The following FASTKD3 variants were observed in gnomAD, a reference collection of about 807,000 sequenced individuals.
FASTKD3 encodes FAST kinase domains 3.
In FASTKD3, 47 loss-of-function variants were observed where a neutral mutation model predicts 49.7. The ratio of observed to expected loss-of-function variants is 0.95; its 90% CI spans 0.75 to 1.21. The LOEUF is 1.21. Ranked by LOEUF, FASTKD3 falls within the 50% of genes most tolerant of loss-of-function variation. The pLI, the probability that FASTKD3 is intolerant of heterozygous loss-of-function variation, is 0.00. For missense variants in FASTKD3, 748 were observed against 765.7 expected (o/e 0.98, Z 0.27); for synonymous variants, 284 against 288.6 (o/e 0.98, Z 0.16).
At chr5:7,868,495 T>C (rs1289815875) in intron 1 of FASTKD3, among the ~76,000 whole-genome samples, 3 of 152,054 alleles carry the variant, frequency 2.0e-5, no homozygotes, top group Non-Finnish European at 4.4e-5. Context: ...CCCTTAAATG[T>C]TGGTTGAAGG....
chr5:7,861,660 G>A lies in FASTKD3; in HGVS notation c.1700-8C>T, dbSNP rs1164250857. 1.2e-6 allele frequency: 2 copies of A among 1,606,578 alleles called. No homozygotes were observed. Among genetic ancestry groups the A allele is most frequent in the Admixed American group, 1.7e-5 (1 of 59,600 alleles). On this transcript the variant is annotated splice_region_variant and splice_polypyrimidine_tract_variant and intron_variant, in intron 4 of 6. Coordinates refer to ENST00000264669, the MANE Select transcript of FASTKD3 (RefSeq NM_024091.4). ...CTAATTTAATTTCAACATCTGGTGA[G>A]AGAAGAAAGGAAAAATTCCTCGTGT...
Position 7,867,538 on chromosome 5 carries a change from C to A in FASTKD3, c.546G>T (p.Leu182Phe). The change falls in exon 2 of 7, where the codon TTG (leucine) becomes TTT (phenylalanine). Residue 182 changes from leucine to phenylalanine, a missense_variant. Leu to Phe is a conservative substitution (Grantham distance 22). Transcript: ENST00000264669. ...CCACATGCAACAGAATCAGAGCTTGCAAAGCAGTCACTAAACTAGTGTTTG... is the reference window on the plus strand; with the variant it reads ...CCACATGCAACAGAATCAGAGCTTGAAAAGCAGTCACTAAACTAGTGTTTG... ...QLSNTSLVTA[L>F]QALILLHVDP... 2.5e-6 allele frequency: 4 copies of A among 1,614,254 alleles called. No homozygotes were observed. In the South Asian group the frequency reaches 3.3e-5, roughly 13 times the overall value.
rs144694454 is a variant in FASTKD3, at chr5:7,867,121, A to C, written c.963T>G (p.Tyr321Ter). The change falls in exon 2 of 7, where the codon TAT becomes TAG. Residue 321 changes from tyrosine (Y) to a stop codon, truncating the protein, a stop_gained. Coordinates refer to ENST00000264669, the MANE Select transcript of FASTKD3 (RefSeq NM_024091.4). LOFTEE classifies it high-confidence loss of function. The part of the protein sequence containing the change: ...AFPLIIKLGK[Y>*]VVRHVPHFTN... ...TGAAATGTGGGACATGCCTCACGAC[A>C]TATTTGCCCAATTTTATAATCAGAG... 3 of 1,614,206 alleles carry C rather than the reference A, an allele frequency of 1.9e-6. No homozygotes were observed. The highest frequency in any genetic ancestry group is 2.5e-6 in the Non-Finnish European group (3 of 1,180,050).
At position 7,867,271 on chromosome 5, in the gene FASTKD3, A is replaced by G; in HGVS notation, c.813T>C (p.Asp271=). The G allele has an allele frequency of 1.9e-6, 3 of 1,613,850 alleles. No homozygotes were observed. The highest frequency in any genetic ancestry group is 2.5e-6 in the Non-Finnish European group (3 of 1,180,024). ...TCTTATTTAAAAATGTTTGGTGTTC[A>G]TCCACTTTTTCAGTACATGCCTGCA... is the stretch of plus-strand genomic sequence containing the variant. The part of the protein sequence containing the change: ...RILQACTEKV[D]EHQTFLNKIN... The change falls in exon 2 of 7, where the codon GAT becomes GAC. Residue 271 remains aspartate (D), a synonymous_variant. Coordinates refer to ENST00000264669, the MANE Select transcript of FASTKD3 (RefSeq NM_024091.4).
rs768912526 is a variant in FASTKD3, at chr5:7,868,131, C to A, written c.-48G>T. On this transcript the variant is annotated 5_prime_UTR_variant, in exon 2 of 7. It removes an upstream start codon present in the reference 5' UTR. Coordinates refer to ENST00000264669, the MANE Select transcript of FASTKD3 (RefSeq NM_024091.4). ...AACTAAATTAAAAAATTTAAAAACA[C>A]ATGGTTAAATACATTGAGAACATGA... 1.6e-6 allele frequency: 2 copies of A among 1,247,832 alleles called. No individual in the cohort carries two copies. The highest frequency in any genetic ancestry group is 2.2e-6 in the Non-Finnish European group (2 of 914,220). 77.3% of individuals were successfully genotyped at this position (1,247,832 alleles called of 1,614,324 possible). A position where few individuals can be genotyped will look rare whatever the true frequency, so the allele number is the denominator to read the frequency against.
At chr5:7,865,344 T>C (rs1318599713) in intron 3 of FASTKD3, among the ~76,000 whole-genome samples, 1 of 152,058 alleles carries the variant, frequency 6.6e-6, no homozygotes, top group Non-Finnish European at 1.5e-5. Context: ...CAGAGTCAAG[T>C]AGAGAGAAGC....
At chr5:7,860,970 C>G (rs1458716502) in intron 6 of FASTKD3, among the ~76,000 whole-genome samples, 179 bp downstream of exon 6, 4 of 152,176 alleles carry the variant, frequency 2.6e-5, no homozygotes, top group African/African-American at 9.7e-5. Context: ...CCTATAAAAG[C>G]CTCCCTCTTG....
chr5:7,859,360 C>T lies in FASTKD3; in HGVS notation c.*75G>A, dbSNP rs573043118. 2.4e-4 allele frequency: 209 copies of T among 864,604 alleles called. 1 individual carries two copies. The South Asian group carries it at 3.6e-3, about 15-fold the overall frequency. 53.6% of individuals were successfully genotyped at this position (864,604 alleles called of 1,614,324 possible). A position where few individuals can be genotyped will look rare whatever the true frequency, so the allele number is the denominator to read the frequency against. ...CATATTCTGCAAAGTGGCTAATTCACATTATATTTTTCTTTTAATACTGAG... is the reference window on the plus strand; with the variant it reads ...CATATTCTGCAAAGTGGCTAATTCATATTATATTTTTCTTTTAATACTGAG... On this transcript the variant is annotated 3_prime_UTR_variant, in exon 7 of 7. Transcript: ENST00000264669.
Position 7,868,027 on chromosome 5 carries a change from A to G in FASTKD3, c.57T>C (p.His19=), listed in dbSNP as rs1211541886. The G allele has an allele frequency of 6.2e-7, 1 of 1,613,456 alleles. No homozygotes were observed. Among genetic ancestry groups the G allele is most frequent in the Non-Finnish European group, 8.5e-7 (1 of 1,179,924 alleles). ...NLYRLSDFQM[H]RALAALKNKP... ...TATTTTTTAAAGCAGCCAGAGCTCT[A>G]TGCATCTGAAAATCAGATAAACGAT... The change falls in exon 2 of 7, where the codon CAT becomes CAC. Residue 19 remains histidine (H), a synonymous_variant. Coordinates refer to ENST00000264669, the MANE Select transcript of FASTKD3 (RefSeq NM_024091.4).
intron 3 of FASTKD3, 121 bp downstream of exon 3, chr5:7,865,777 A>G: frequency 1.4e-6 from 1 of 711,348 alleles, no homozygotes; most frequent in Non-Finnish European, 2.4e-6. Flanking sequence ...TCTGGTGGCA[A>G]CTGACTCCAA....
At chr5:7,860,192 AG>A (rs1746434100) in intron 6 of FASTKD3, among the ~76,000 whole-genome samples, 1 of 152,148 alleles carries the variant, frequency 6.6e-6, no homozygotes, top group South Asian at 2.1e-4. Context: ...GATTAGTTTT[AG>A]GAATATTCAG....
At chr5:7,868,774 C>T (rs149268161) in intron 1 of FASTKD3, among the ~76,000 whole-genome samples, 27 of 152,208 alleles carry the variant, frequency 1.8e-4, no homozygotes, top group Non-Finnish European at 3.5e-4. Context: ...TTTGGCAACA[C>T]GTGTGTGCAA....
At chr5:7,865,570 T>C (rs1252378529) in intron 3 of FASTKD3, among the ~76,000 whole-genome samples, 1 of 152,196 alleles carries the variant, frequency 6.6e-6, no homozygotes, top group Non-Finnish European at 1.5e-5. Flanking sequence ...CACACTTTGA[T>C]AACAAACAGC....
rs915737943 is a variant in FASTKD3 at position 7,861,762 on chromosome 5, T to C, written c.1700-110A>G. 1.0e-5 allele frequency: 15 copies of C among 1,479,318 alleles called. No homozygotes were observed. In the Admixed American group the frequency reaches 1.8e-4, roughly 17 times the overall value. 91.6% of individuals were successfully genotyped at this position (1,479,318 alleles called of 1,614,324 possible). On this transcript the variant is annotated intron_variant, in intron 4 of 6. Transcript: ENST00000264669. ...ATTCCTTCCACCTTGCATTGATCAA[T>C]TGGACTGAAGGCTGCAAAGTAATGA...
At position 7,861,272 on chromosome 5, in the gene FASTKD3, TA is replaced by T; in HGVS notation, c.1770-10del. ...CAATACACAGTGCTATCCTGAAAAATAAAAAAGGAGAAAAATACTTAATTTT... is the reference window on the plus strand; with the variant it reads ...CAATACACAGTGCTATCCTGAAAAATAAAAAGGAGAAAAATACTTAATTTT... On this transcript the variant is annotated splice_polypyrimidine_tract_variant and intron_variant, in intron 5 of 6. Coordinates refer to ENST00000264669, the MANE Select transcript of FASTKD3 (RefSeq NM_024091.4). The T allele has an allele frequency of 2.1e-6, 3 of 1,436,252 alleles. No individual in the cohort carries two copies. The highest frequency in any genetic ancestry group is 2.3e-5 in the East Asian group (1 of 42,874). The allele number at this position is 1,436,252 out of a possible 1,614,324, so 89.0% of individuals were successfully genotyped here.
chr5:7,863,084 T>G, intron 3 of FASTKD3, 87 bp from the exon 4 acceptor site: 1 of 1,126,352 alleles, frequency 8.9e-7, no homozygotes, highest in Non-Finnish European at 1.3e-6. Flanking sequence ...TAGAAAAGTT[T>G]GATATAACAT....
In FASTKD3 at chr5:7,866,863, C is replaced by T. The variant is rs143045532; in HGVS notation, c.1221G>A (p.Gln407=). Residue 407 remains glutamine (Q), a synonymous_variant, in exon 2 of 7, where the codon CAG becomes CAA. Coordinates refer to ENST00000264669, the MANE Select transcript of FASTKD3 (RefSeq NM_024091.4). ...CAAATGGTTCCATTAAGGCAGAAAT[C>T]TGACGAGGTGAAAATTTTTCTGTTT... The part of the protein sequence containing the change: ...VCQTEKFSPR[Q]ISALMEPFGK... The T allele has an allele frequency of 4.3e-5, 69 of 1,614,084 alleles. No homozygotes were observed. The African/African-American group carries it at 6.8e-4, about 16-fold the overall frequency.
chr5:7,867,136 T>C lies in FASTKD3; in HGVS notation c.948A>G (p.Ile316Met). 13 of 1,614,198 alleles carry C rather than the reference T, an allele frequency of 8.1e-6. No individual in the cohort carries two copies. The highest frequency in any genetic ancestry group is 1.1e-5 in the Non-Finnish European group (13 of 1,180,046). The change falls in exon 2 of 7, where the codon ATA (isoleucine) becomes ATG (methionine). Residue 316 changes from isoleucine (I) to methionine (M), a missense_variant. By Grantham distance (10) the Ile-to-Met change is conservative (BLOSUM62 1). Transcript: ENST00000264669. ...LDQSQAFPLI[I>M]KLGKYVVRHV... ...GCCTCACGACATATTTGCCCAATTT[T>C]ATAATCAGAGGAAATGCTTGACTTT... is the stretch of plus-strand genomic sequence containing the variant.
Position 7,868,206 on chromosome 5 carries a change from A to T in FASTKD3, c.-113-10T>A. On this transcript the variant is annotated splice_polypyrimidine_tract_variant and intron_variant, in intron 1 of 6. Transcript: ENST00000264669. ...AACTACAAACGAGTATCTGGAAAAA[A>T]AAAAAAAAAAAAAAAAAGGATGGTT... 3.0e-5 allele frequency: 12 copies of T among 398,548 alleles called. No homozygotes were observed. The highest frequency in any genetic ancestry group is 6.6e-4 in the Middle Eastern group (1 of 1,514). The allele number at this position is 398,548 out of a possible 1,614,324, so 24.7% of individuals were successfully genotyped here.
Sources: gnomAD v4.1 joint callset for allele counts (sites outside exome capture counted in the v4.1 genomes callset) on GRCh38, gnomAD v4.1.1 for gene constraint, MANE v1.5 for transcripts, NCBI Gene and HGNC (gene_info 2026-07-23, HGNC 2026-07-21) for gene names.